MICU1: variants seen among roughly 807,000 people sequenced by gnomAD.
MICU1 encodes calcium uptake protein 1, mitochondrial.
A neutral mutation model predicts 56.8 loss-of-function variants in MICU1; 45 were observed. That is an observed-to-expected ratio of 0.79 (90% confidence interval 0.62 to 1.02). The LOEUF is 1.02. MICU1 is among the 50% of genes least tolerant of loss of function. The pLI is 0.00. For synonymous variants in MICU1, 186 were observed against 195.1 expected (o/e 0.95, Z 0.39); for missense variants, 504 against 587.1 (o/e 0.86, Z 1.46).
intron 9 of MICU1, among the ~76,000 whole-genome samples, chr10:72,422,198 A>G (rs1864198231): frequency 6.6e-6 from 1 of 152,198 alleles, no homozygotes; most frequent in Non-Finnish European, 1.5e-5. Context: ...GAAGAAACAC[A>G]AAGAGATTTC....
chr10:72,625,616 G>A (rs1166556897), intron 1 of MICU1, among the ~76,000 whole-genome samples: 1 of 152,204 alleles, frequency 6.6e-6, no homozygotes, highest in Non-Finnish European at 1.5e-5. Context: ...AAATCCATCT[G>A]TGAACTCCCG....
At chr10:72,523,536 T>G (rs1867883904) in intron 5 of MICU1, among the ~76,000 whole-genome samples, 1 of 152,156 alleles carries the variant, frequency 6.6e-6, no homozygotes. Flanking sequence ...TACACCCCAT[T>G]TTTCAAACAA....
At chr10:72,506,888 T>C (rs1867270671) in intron 6 of MICU1, among the ~76,000 whole-genome samples, 2 of 152,222 alleles carry the variant, frequency 1.3e-5, no homozygotes, top group Non-Finnish European at 2.9e-5. Context: ...ATGTGTATTT[T>C]CATTGCCAGG....
rs1027758718 is a variant in MICU1 at position 72,563,135 on chromosome 10, C to T, written c.162-72G>A. 21 of 1,141,166 alleles carry T rather than the reference C, an allele frequency of 1.8e-5. No individual in the cohort carries two copies. The African/African-American group carries it at 3.2e-4, about 17-fold the overall frequency. 70.7% of individuals were successfully genotyped at this position (1,141,166 alleles called of 1,614,324 possible). Reference sequence around the variant, plus strand: ...TACTAGACAAATAAGCAAACAGATACAGCTTAGCAGAGCAACAGCAATGAA... The same window carrying T: ...TACTAGACAAATAAGCAAACAGATATAGCTTAGCAGAGCAACAGCAATGAA... On this transcript the variant is annotated intron_variant, in intron 2 of 11. Coordinates refer to ENST00000361114, the MANE Select transcript of MICU1 (RefSeq NM_001195518.2).
intron 8 of MICU1, among the ~76,000 whole-genome samples, chr10:72,431,283 A>G (rs1421313704): frequency 6.6e-6 from 1 of 152,118 alleles, no homozygotes; most frequent in Non-Finnish European, 1.5e-5. Context: ...GGCGAGCACT[A>G]CCACGCCAGC....
intron 8 of MICU1, among the ~76,000 whole-genome samples, chr10:72,451,512 A>T (rs1354204330): frequency 1.3e-5 from 2 of 152,184 alleles, no homozygotes; most frequent in East Asian, 3.8e-4. Context: ...TCAGATTTGA[A>T]GAACTAGATG....
intron 6 of MICU1, among the ~76,000 whole-genome samples, chr10:72,490,250 C>A (rs918782801): frequency 2.6e-5 from 4 of 152,070 alleles, no homozygotes; most frequent in Non-Finnish European, 4.4e-5. Context: ...TGTATGTATG[C>A]ATATATTTAT....
intron 1 of MICU1, among the ~76,000 whole-genome samples, chr10:72,574,408 A>G (rs1840690534): frequency 6.6e-6 from 1 of 152,054 alleles, no homozygotes. Context: ...AATCCCAGCT[A>G]CTCGGGAGGC....
intron 10 of MICU1, among the ~76,000 whole-genome samples, chr10:72,402,553 C>T (rs1407193959): frequency 6.6e-6 from 1 of 151,538 alleles, no homozygotes; most frequent in Non-Finnish European, 1.5e-5. Context: ...CCCAAATAAA[C>T]TTTAGGTATA....
intron 11 of MICU1, among the ~76,000 whole-genome samples, chr10:72,374,392 C>T (rs2132034864): frequency 6.6e-6 from 1 of 152,296 alleles, no homozygotes; most frequent in South Asian, 2.1e-4. Context: ...TCCTAAAGTG[C>T]TGGGATTACA....
chr10:72,540,111 T>C (rs1325847418), intron 4 of MICU1, among the ~76,000 whole-genome samples: 1 of 151,622 alleles, frequency 6.6e-6, no homozygotes, highest in Non-Finnish European at 1.5e-5. Context: ...CTACTAAAAA[T>C]ACAAAATTAG....
At chr10:72,446,689 G>A (rs1279597684) in intron 8 of MICU1, among the ~76,000 whole-genome samples, 1 of 151,924 alleles carries the variant, frequency 6.6e-6, no homozygotes, top group African/African-American at 2.4e-5. Context: ...TTTTTGTCAT[G>A]GTTTGCACAA....
At chr10:72,465,120 C>A (rs1165136629) in intron 8 of MICU1, among the ~76,000 whole-genome samples, 13 of 152,216 alleles carry the variant, frequency 8.5e-5, no homozygotes, top group South Asian at 4.1e-4. Context: ...CATGCCTCAG[C>A]CTCCCGAGTA....
intron 4 of MICU1, among the ~76,000 whole-genome samples, chr10:72,540,372 A>T (rs74595279): frequency 8.1e-4 from 118 of 144,878 alleles, no homozygotes; most frequent in Admixed American, 2.6e-3. Context: ...TGTAATGATT[A>T]AAAAAAAAAA....
At chr10:72,580,042 G>A (rs1840856158) in intron 1 of MICU1, among the ~76,000 whole-genome samples, 1 of 151,942 alleles carries the variant, frequency 6.6e-6, no homozygotes, top group Non-Finnish European at 1.5e-5. Flanking sequence ...TTTAAAAAAT[G>A]CCATCTAAAT....
intron 9 of MICU1, among the ~76,000 whole-genome samples, chr10:72,410,218 T>C (rs1258685778): frequency 1.3e-5 from 2 of 152,248 alleles, no homozygotes; most frequent in African/African-American, 4.8e-5. Context: ...AAGTATTTCA[T>C]TGTGTGAATA....
chr10:72,517,518 A>C (rs1867683799), intron 5 of MICU1, among the ~76,000 whole-genome samples: 1 of 152,202 alleles, frequency 6.6e-6, no homozygotes, highest in Admixed American at 6.5e-5. Context: ...GAAGTAACTC[A>C]AGAATGGAAA....
chr10:72,603,105 G>A (rs1050312874), intron 1 of MICU1, among the ~76,000 whole-genome samples: 6 of 151,934 alleles, frequency 3.9e-5, no homozygotes, highest in African/African-American at 9.7e-5. Flanking sequence ...CTCTGTTCCC[G>A]GCTGGGAACA....
chr10:72,484,268 G>C (rs1866393020), intron 6 of MICU1, among the ~76,000 whole-genome samples: 2 of 152,084 alleles, frequency 1.3e-5, no homozygotes, highest in African/African-American at 4.8e-5. Flanking sequence ...AATTTCCTTA[G>C]TGGGAGAACA....
Sources: gnomAD v4.1 joint callset for allele counts (sites outside exome capture counted in the v4.1 genomes callset) on GRCh38, gnomAD v4.1.1 for gene constraint, MANE v1.5 for transcripts, NCBI Gene and HGNC (gene_info 2026-07-23, HGNC 2026-07-21) for gene names.